The following SUPT3H variants were observed in gnomAD, a reference collection of about 807,000 sequenced individuals.
SUPT3H encodes the protein transcription initiation protein SPT3 homolog.
A neutral mutation model predicts 44.3 loss-of-function variants in SUPT3H; 44 were observed. The observed-to-expected ratio is 0.99, with a 90% CI of 0.78 to 1.28. The LOEUF is 1.28. SUPT3H is among the 50% of genes most tolerant of loss of function. SUPT3H has a pLI of 0.00. For missense variants in SUPT3H, 380 were observed against 387.1 expected, an observed-to-expected ratio of 0.98 and a Z score of 0.15; for synonymous variants, 124 against 125.6, an observed-to-expected ratio of 0.99 and a Z score of 0.09.
At chr6:45,291,624 T>C (rs1018863626) in intron 2 of SUPT3H, among the ~76,000 whole-genome samples, 1 of 152,082 alleles carries the variant, frequency 6.6e-6, no homozygotes, top group Non-Finnish European at 1.5e-5. Flanking sequence ...CAGAAAACAA[T>C]GGACACTCAT....
chr6:45,230,678 A>ATTTTTT (rs1767839516), intron 2 of SUPT3H, among the ~76,000 whole-genome samples: 1 of 110,236 alleles, frequency 9.1e-6, no homozygotes, highest in Admixed American at 9.0e-5. Flanking sequence ...ATATATATAT[A>ATTTTTT]TATATATATT....
intron 2 of SUPT3H, among the ~76,000 whole-genome samples, chr6:45,123,605 A>ATT (rs1166443194): frequency 6.6e-6 from 1 of 152,088 alleles, no homozygotes; most frequent in Admixed American, 6.5e-5. Flanking sequence ...TAAAACAAAG[A>ATT]TTATATATAT....
At chr6:44,810,370 T>G (rs536594160) in intron 11 of SUPT3H, among the ~76,000 whole-genome samples, 7 of 152,346 alleles carry the variant, frequency 4.6e-5, no homozygotes, top group African/African-American at 1.4e-4. Flanking sequence ...CAGTAGTGGT[T>G]GTAAGTATTT....
At chr6:44,987,287 T>G in intron 6 of SUPT3H, among the ~76,000 whole-genome samples, 1 of 106,216 alleles carries the variant, frequency 9.4e-6, no homozygotes, top group Non-Finnish European at 1.8e-5. Context: ...ACATATAAAT[T>G]GGGCGGGGGG....
At chr6:44,938,554 G>A (rs1001166040) in intron 9 of SUPT3H, among the ~76,000 whole-genome samples, 3 of 151,926 alleles carry the variant, frequency 2.0e-5, no homozygotes, top group African/African-American at 4.8e-5. Flanking sequence ...TTGCCTATTT[G>A]AGCACTTTTT....
chr6:45,295,128 G>A lies in SUPT3H; in HGVS notation c.101+70073C>T, dbSNP rs532143852. On this transcript the variant is annotated intron_variant, in intron 2 of 10. Transcript: ENST00000371459. ...ATTAGGCTATAGTCACCAAAACAGC[G>A]TGGTACTGGTAGAAAAACAGGCACA... is the stretch of plus-strand genomic sequence containing the variant. Among the ~76,000 whole-genome samples, 9 of 152,054 alleles carry A rather than the reference G, an allele frequency of 5.9e-5. No homozygotes were observed. The South Asian group carries it at 6.2e-4, about 11-fold the overall frequency.
chr6:45,230,963 G>A (rs769076107), intron 2 of SUPT3H, among the ~76,000 whole-genome samples: 15 of 151,898 alleles, frequency 9.9e-5, no homozygotes, highest in Non-Finnish European at 1.8e-4. Flanking sequence ...GAGCCACTGC[G>A]CCCAGCCAAT....
At chr6:45,178,433 C>T (rs867352590) in intron 2 of SUPT3H, among the ~76,000 whole-genome samples, 5 of 151,930 alleles carry the variant, frequency 3.3e-5, no homozygotes, top group African/African-American at 9.7e-5. Context: ...GAGTGACCTA[C>T]AAAGAGACTT....
intron 10 of SUPT3H, among the ~76,000 whole-genome samples, chr6:44,892,624 C>G (rs1441667041): frequency 2.6e-5 from 4 of 152,148 alleles, no homozygotes; most frequent in Non-Finnish European, 5.9e-5. Flanking sequence ...ACAGTACATG[C>G]AGAATTTGAA....
At chr6:45,255,650 T>C (rs1288696509) in intron 2 of SUPT3H, among the ~76,000 whole-genome samples, 1 of 152,014 alleles carries the variant, frequency 6.6e-6, no homozygotes, top group African/African-American at 2.4e-5. Flanking sequence ...CTTGAACTCC[T>C]GGCCTCAGGT....
intron 2 of SUPT3H, among the ~76,000 whole-genome samples, chr6:45,241,225 C>T (rs368501868): frequency 2.1e-5 from 2 of 95,688 alleles, no homozygotes; most frequent in Non-Finnish European, 3.1e-5. Context: ...CAAATCTTGC[C>T]ATAAGCTGGC....
At chr6:44,860,845 C>T (rs1230032926) in intron 10 of SUPT3H, among the ~76,000 whole-genome samples, 1 of 152,162 alleles carries the variant, frequency 6.6e-6, no homozygotes. Context: ...TAAGGATATA[C>T]TCAATGTAGA....
chr6:44,818,404 G>T (rs556093575), intron 11 of SUPT3H, among the ~76,000 whole-genome samples: 1 of 152,016 alleles, frequency 6.6e-6, no homozygotes, highest in Non-Finnish European at 1.5e-5. Flanking sequence ...TGTGAGCTTG[G>T]GTTAGATGAA....
intron 10 of SUPT3H, among the ~76,000 whole-genome samples, chr6:44,883,587 AGAACAAAGCTAGAG>A (rs1222816212): frequency 6.6e-6 from 1 of 152,212 alleles, no homozygotes; most frequent in Non-Finnish European, 1.5e-5. Context: ...CTAAGCAAAA[AGAACAAAGCTAGAG>A]GTATCAAAAT....
chr6:44,833,013 C>T (rs999550485), intron 10 of SUPT3H, among the ~76,000 whole-genome samples: 1 of 151,850 alleles, frequency 6.6e-6, no homozygotes, highest in African/African-American at 2.4e-5. Context: ...CTTAAAAGGA[C>T]ACATGCTACA....
In SUPT3H at chr6:44,868,909, C is replaced by G. The variant is rs143756102; in HGVS notation, c.913-39052G>C. ...TCTGTGCTGACAATTTCCCCAATAGCTATGCTATCCCAATGGGTGGACCTA... is the reference window on the plus strand; with the variant it reads ...TCTGTGCTGACAATTTCCCCAATAGGTATGCTATCCCAATGGGTGGACCTA... On this transcript the variant is annotated intron_variant, in intron 10 of 10. Transcript: ENST00000371459. Among the ~76,000 whole-genome samples the G allele has an allele frequency of 6.5e-3, 993 of 152,338 alleles. 12 individuals carry two copies. Among genetic ancestry groups the G allele is most frequent in the African/African-American group, 0.023 (938 of 41,572 alleles).
intron 2 of SUPT3H, among the ~76,000 whole-genome samples, chr6:45,355,312 G>T (rs1394264424): frequency 2.0e-5 from 3 of 151,944 alleles, no homozygotes; most frequent in Admixed American, 1.3e-4. Context: ...TGTTAATTAT[G>T]AACTTTCTGT....
chr6:44,918,784 A>C (rs1768193232), intron 10 of SUPT3H, among the ~76,000 whole-genome samples: 1 of 152,176 alleles, frequency 6.6e-6, no homozygotes, highest in African/African-American at 2.4e-5. Context: ...AAGTACACAA[A>C]AGGGGGTCTG....
chr6:45,285,681 T>C (rs1015756715), intron 2 of SUPT3H, among the ~76,000 whole-genome samples: 8 of 152,150 alleles, frequency 5.3e-5, no homozygotes, highest in African/African-American at 1.9e-4. Context: ...AGATAATTTA[T>C]AGATTCAATG....
Sources: allele counts gnomAD v4.1 joint callset (sites outside exome capture counted in the v4.1 genomes callset), GRCh38; gene constraint gnomAD v4.1.1; transcripts MANE v1.5; gene names NCBI Gene and HGNC (gene_info 2026-07-23, HGNC 2026-07-21).